Variants in ARFGEF3 observed in about 807,000 individuals in gnomAD.
ARFGEF3 encodes brefeldin A-inhibited guanine nucleotide-exchange protein 3.
ARFGEF3 carries 96 observed loss-of-function variants against 221.7 expected under a neutral mutation model. That is an observed-to-expected ratio of 0.43 (90% confidence interval 0.37 to 0.51). The LOEUF (loss-of-function observed/expected upper bound fraction) is 0.51, where lower values mean the gene tolerates loss of function less well. Ranked by LOEUF, ARFGEF3 falls within the 20% of genes least tolerant of loss-of-function variation. The pLI is 0.00. For synonymous variants in ARFGEF3, 1,145 were observed against 1,126.8 expected (o/e 1.02, Z -0.32); for missense variants, 2,410 against 2,789.9 (o/e 0.86, Z 3.07).
intron 3 of ARFGEF3, 75 bp downstream of exon 3, chr6:138,207,198 A>G: frequency 9.0e-7 from 1 of 1,111,328 alleles, no homozygotes; most frequent in Admixed American, 2.0e-5. Context: ...CAAATAGTTA[A>G]CATTTTAAAT....
At chr6:138,237,738 T>C (rs1007475999) in intron 5 of ARFGEF3, among the ~76,000 whole-genome samples, 2 of 151,928 alleles carry the variant, frequency 1.3e-5, no homozygotes, top group African/African-American at 4.8e-5. Context: ...AATGACAGCG[T>C]AGGTGCAAGG....
chr6:138,277,686 A>T (rs930277345), intron 12 of ARFGEF3, among the ~76,000 whole-genome samples: 5 of 152,230 alleles, frequency 3.3e-5, no homozygotes, highest in African/African-American at 1.2e-4. Context: ...TGTTCTAGGC[A>T]TTGGGGATTC....
chr6:138,308,992 T>G (rs945653717), intron 24 of ARFGEF3, 131 bp downstream of exon 24: 8 of 1,112,480 alleles, frequency 7.2e-6, no homozygotes, highest in South Asian at 1.7e-5. Flanking sequence ...GATGGTGGTG[T>G]TGTGTACTCA....
chr6:138,262,771 G>A lies in ARFGEF3; in HGVS notation c.1288G>A (p.Val430Ile). ...IEACYAAVSC[V>I]CTLLGALDEL... is the part of the protein sequence containing the mutation. ...AGCTTGCTATGCAGCCGTGTCCTGT[G>A]TCTGCACCTTGCTGGGTGCCCTGGA... is the stretch of plus-strand genomic sequence containing the variant. Residue 430 changes from valine to isoleucine, a missense_variant, in exon 12 of 34, where the codon GTC (valine) becomes ATC (isoleucine). Physicochemically the swap from Val to Ile is conservative, Grantham distance 29. Transcript: ENST00000251691. 6.2e-7 allele frequency: 1 copy of A among 1,614,010 alleles called. No homozygotes were observed. Among genetic ancestry groups the A allele is most frequent in the Non-Finnish European group, 8.5e-7 (1 of 1,179,896 alleles).
rs1215995518 is a variant in ARFGEF3 at position 138,335,044 on chromosome 6, T to A, written c.6198T>A (p.Arg2066=). Reference sequence around the variant, plus strand: ...GCCAGGACTCCCCGCTGCTTCAGCGTCCCCAGCACTTGATGGACCAAGGGC... The same window carrying A: ...GCCAGGACTCCCCGCTGCTTCAGCGACCCCAGCACTTGATGGACCAAGGGC... ...PRGQDSPLLQ[R]PQHLMDQGQM... is the part of the protein sequence containing the mutation. Residue 2066 remains arginine, a synonymous_variant, in exon 33 of 34, where the codon CGT becomes CGA. Coordinates refer to ENST00000251691, the MANE Select transcript of ARFGEF3 (RefSeq NM_020340.5). 17 of 1,596,296 alleles carry A rather than the reference T, an allele frequency of 1.1e-5. No homozygotes were observed. The highest frequency in any genetic ancestry group is 1.7e-6 in the Non-Finnish European group (2 of 1,172,208).
intron 4 of ARFGEF3, among the ~76,000 whole-genome samples, chr6:138,212,510 A>T (rs1189569099): frequency 6.6e-6 from 1 of 152,222 alleles, no homozygotes; most frequent in Non-Finnish European, 1.5e-5. Context: ...CAGCTATCCC[A>T]TTATCCCATT....
intron 32 of ARFGEF3, among the ~76,000 whole-genome samples, chr6:138,332,991 A>G (rs1780254972): frequency 6.6e-6 from 1 of 152,256 alleles, no homozygotes; most frequent in Non-Finnish European, 1.5e-5. Context: ...AGTCATAGAC[A>G]TAAAGCAAAA....
In ARFGEF3 at chr6:138,342,799, T is replaced by C. The variant is rs1177102999; in HGVS notation, c.*6313T>C. 2 of 152,238 alleles carry C rather than the reference T, an allele frequency of 1.3e-5. No individual in the cohort carries two copies. The highest frequency in any genetic ancestry group is 2.9e-5 in the Non-Finnish European group (2 of 68,042). The allele number at this position is 152,238 out of a possible 1,614,324, so 9.4% of individuals were successfully genotyped here. On this transcript the variant is annotated 3_prime_UTR_variant, in exon 34 of 34. Coordinates refer to ENST00000251691, the MANE Select transcript of ARFGEF3 (RefSeq NM_020340.5). ...AAAATATTAGCCATTTGAGATGAGATGAGACTACTTGTTGTACCTTCATCT... is the reference window on the plus strand; with the variant it reads ...AAAATATTAGCCATTTGAGATGAGACGAGACTACTTGTTGTACCTTCATCT...
Position 138,209,920 on chromosome 6 carries a change from C to A in ARFGEF3, c.230C>A (p.Ser77Ter). Reference sequence around the variant, plus strand: ...TGTGCCTCTTTACAGAAGCTTCTGTCGGAAGAGAGGTTTGTATCCATGGAA... The same window carrying A: ...TGTGCCTCTTTACAGAAGCTTCTGTAGGAAGAGAGGTTTGTATCCATGGAA... Reference protein sequence around the residue: ...HALAGMQKLLSEERFVSMETD... With the variant: ...HALAGMQKLL The change falls in exon 4 of 34, where the codon TCG becomes TAG. Residue 77 changes from serine to a stop codon, truncating the protein, a stop_gained. Coordinates refer to ENST00000251691, the MANE Select transcript of ARFGEF3 (RefSeq NM_020340.5). LOFTEE classifies it high-confidence loss of function. The A allele has an allele frequency of 6.2e-7, 1 of 1,613,416 alleles. No individual in the cohort carries two copies. The highest frequency in any genetic ancestry group is 8.5e-7 in the Non-Finnish European group (1 of 1,179,600).
intron 12 of ARFGEF3, among the ~76,000 whole-genome samples, chr6:138,268,148 C>A (rs1433906087): frequency 6.6e-5 from 10 of 152,254 alleles, no homozygotes; most frequent in Middle Eastern, 3.4e-3. Flanking sequence ...CCTCTTGCCC[C>A]CTTGCAAGTG....
chr6:138,212,201 A>G (rs1020122643), intron 4 of ARFGEF3, among the ~76,000 whole-genome samples: 2 of 152,194 alleles, frequency 1.3e-5, no homozygotes, highest in African/African-American at 4.8e-5. Context: ...TTTTGTGGTG[A>G]CAGCACATAA....
chr6:138,316,098 A>G (rs1779921129), intron 26 of ARFGEF3, among the ~76,000 whole-genome samples: 1 of 152,186 alleles, frequency 6.6e-6, no homozygotes, highest in South Asian at 2.1e-4. Flanking sequence ...ACGGTTGGGT[A>G]TGTAACGTCG....
At chr6:138,189,094 G>A (rs1041476942) in intron 2 of ARFGEF3, among the ~76,000 whole-genome samples, 1 of 152,162 alleles carries the variant, frequency 6.6e-6, no homozygotes, top group Non-Finnish European at 1.5e-5. Context: ...AGTGATGTTC[G>A]ATGCCTATGG....
Position 138,287,196 on chromosome 6 carries a change from A to G in ARFGEF3, c.2896+12A>G, listed in dbSNP as rs1177821618. The G allele has an allele frequency of 1.3e-6, 2 of 1,552,646 alleles. No homozygotes were observed. Among genetic ancestry groups the G allele is most frequent in the Admixed American group, 3.9e-5 (2 of 51,322 alleles). Reference sequence around the variant, plus strand: ...TGCCATCACACAAGGTAACAACTGGAGGGCCAGAACCCACCTGGTGCCTTG... The same window carrying G: ...TGCCATCACACAAGGTAACAACTGGGGGGCCAGAACCCACCTGGTGCCTTG... On this transcript the variant is annotated intron_variant, in intron 17 of 33. Coordinates refer to ENST00000251691, the MANE Select transcript of ARFGEF3 (RefSeq NM_020340.5).
intron 32 of ARFGEF3, among the ~76,000 whole-genome samples, chr6:138,331,303 C>CAAAG (rs1780222964): frequency 6.6e-6 from 1 of 152,224 alleles, no homozygotes; most frequent in Admixed American, 6.5e-5. Context: ...CCCACTGAGT[C>CAAAG]AAAGACATTC....
At chr6:138,275,981 A>ATTTGCATGCAC (rs1322321609) in intron 12 of ARFGEF3, among the ~76,000 whole-genome samples, 3 of 152,218 alleles carry the variant, frequency 2.0e-5, no homozygotes, top group African/African-American at 7.2e-5. Flanking sequence ...GACATGTGTA[A>ATTTGCATGCAC]TTTGCATGCA....
intron 2 of ARFGEF3, among the ~76,000 whole-genome samples, chr6:138,202,313 A>G (rs939123079): frequency 6.6e-6 from 1 of 152,140 alleles, no homozygotes; most frequent in African/African-American, 2.4e-5. Flanking sequence ...TTTCATTATA[A>G]ATTTCGTCCT....
chr6:138,251,966 A>G (rs1162870444), intron 8 of ARFGEF3, among the ~76,000 whole-genome samples: 1 of 152,136 alleles, frequency 6.6e-6, no homozygotes, highest in Non-Finnish European at 1.5e-5. Flanking sequence ...AGCATAGGGA[A>G]GCTTGTAGGA....
chr6:138,257,987 C>T (rs77522622), intron 10 of ARFGEF3, among the ~76,000 whole-genome samples: 2,088 of 152,306 alleles, frequency 0.014, 33 homozygotes, highest in Middle Eastern at 0.054. Context: ...TGGTTCAATT[C>T]TAGCTGGCCT....
Sources: allele counts gnomAD v4.1 joint callset (sites outside exome capture counted in the v4.1 genomes callset), GRCh38; gene constraint gnomAD v4.1.1; transcripts MANE v1.5; gene names NCBI Gene and HGNC (gene_info 2026-07-23, HGNC 2026-07-21).